Variants in ERG observed in about 807,000 individuals in gnomAD.
The protein encoded by ERG is ETS transcription factor ERG, also known as transcriptional regulator ERG.
ERG carries 9 observed loss-of-function variants against 55.3 expected under a neutral mutation model. That is an observed-to-expected ratio of 0.16 (90% CI 0.10 to 0.28). ERG has a LOEUF of 0.28. Ranked by LOEUF, ERG falls within the 10% of genes least tolerant of loss-of-function variation. ERG has a pLI of 1.00. For synonymous variants in ERG, 223 were observed against 237.3 expected, an observed-to-expected ratio of 0.94 and a Z score of 0.55; for missense variants, 434 against 631.6, an observed-to-expected ratio of 0.69 and a Z score of 3.35.
chr21:38,620,823 C>G (rs2060285829), intron 1 of ERG, among the ~76,000 whole-genome samples: 1 of 152,132 alleles, frequency 6.6e-6, no homozygotes, highest in Non-Finnish European at 1.5e-5. Flanking sequence ...TAAATTTAGT[C>G]CTAAAACAAG....
chr21:38,402,427 G>A (rs1186879970), intron 5 of ERG, 130 bp downstream of exon 5: 10 of 676,858 alleles, frequency 1.5e-5, no homozygotes, highest in East Asian at 5.9e-5. Context: ...CTAAGTATCC[G>A]AAAGTATTCT....
chr21:38,652,224 CTCCCGCCCACTGCTATCTCTACCAT>C (rs1412064867), intron 1 of ERG, among the ~76,000 whole-genome samples: 1 of 152,178 alleles, frequency 6.6e-6, no homozygotes, highest in Non-Finnish European at 1.5e-5. Context: ...CTCCTCCACC[CTCCCGCCCACTGCTATCTCTACCAT>C]TCCCGCCAAT....
chr21:38,576,257 C>T (rs1278165965), intron 1 of ERG, among the ~76,000 whole-genome samples: 1 of 152,202 alleles, frequency 6.6e-6, no homozygotes, highest in Non-Finnish European at 1.5e-5. Flanking sequence ...CTAAGGGCTC[C>T]ACACACATTT....
chr21:38,537,132 T>C (rs760754646), intron 2 of ERG, among the ~76,000 whole-genome samples: 1 of 152,124 alleles, frequency 6.6e-6, no homozygotes, highest in Non-Finnish European at 1.5e-5. Context: ...TCTTACCTTA[T>C]ACTATATACA....
chr21:38,524,392 G>A (rs2059615847), intron 2 of ERG, among the ~76,000 whole-genome samples: 1 of 152,168 alleles, frequency 6.6e-6, no homozygotes, highest in South Asian at 2.1e-4. Flanking sequence ...GGCTCACTGT[G>A]GAAAAAGTCA....
chr21:38,540,354 A>G (rs1379611443), intron 2 of ERG, among the ~76,000 whole-genome samples: 1 of 152,210 alleles, frequency 6.6e-6, no homozygotes, highest in Non-Finnish European at 1.5e-5. Flanking sequence ...TCACCCCAAA[A>G]GGAAACCACG....
At chr21:38,457,465 T>C (rs1277171005) in intron 1 of ERG, among the ~76,000 whole-genome samples, 3 of 151,966 alleles carry the variant, frequency 2.0e-5, no homozygotes, top group Non-Finnish European at 4.4e-5. Flanking sequence ...ACAAATACTC[T>C]TTAAAAGTGT....
At chr21:38,571,987 A>T (rs562111979) in intron 2 of ERG, among the ~76,000 whole-genome samples, 1 of 152,320 alleles carries the variant, frequency 6.6e-6, no homozygotes, top group Admixed American at 6.5e-5. Flanking sequence ...ACATTTTAGT[A>T]GCAATGAACC....
At chr21:38,468,576 T>C (rs2146614510) in intron 1 of ERG, among the ~76,000 whole-genome samples, 1 of 152,200 alleles carries the variant, frequency 6.6e-6, no homozygotes, top group Admixed American at 6.5e-5. Flanking sequence ...AGGAAAGAAT[T>C]GAACATTCTA....
chr21:38,400,449 ACTGT>A (rs1057508065), intron 6 of ERG, 121 bp downstream of exon 6: 2 of 806,744 alleles, frequency 2.5e-6, no homozygotes, highest in Non-Finnish European at 4.5e-6. Flanking sequence ...GCAGAATAAG[ACTGT>A]CTGGGACTGG....
At chr21:38,450,734 T>C (rs1298732086) in intron 1 of ERG, 1 of 346,154 alleles carries the variant, frequency 2.9e-6, no homozygotes, top group Non-Finnish European at 5.6e-6. Context: ...CTTGTCACAT[T>C]TTATCAGCTC....
At chr21:38,615,916 C>T (rs1226301537) in intron 1 of ERG, among the ~76,000 whole-genome samples, 2 of 152,040 alleles carry the variant, frequency 1.3e-5, no homozygotes, top group Middle Eastern at 3.2e-3. Flanking sequence ...CTCTCTGGTT[C>T]AGGCACTGTA....
At chr21:38,479,734 C>T (rs966352339) in intron 1 of ERG, among the ~76,000 whole-genome samples, 1 of 150,520 alleles carries the variant, frequency 6.6e-6, no homozygotes, top group East Asian at 2.0e-4. Flanking sequence ...AAATGCAATA[C>T]CTTTTCCATC....
At chr21:38,636,462 T>C (rs959678313) in intron 1 of ERG, among the ~76,000 whole-genome samples, 1 of 152,176 alleles carries the variant, frequency 6.6e-6, no homozygotes, top group Non-Finnish European at 1.5e-5. Flanking sequence ...TGGGCTTTTA[T>C]GCAAAATTTT....
intron 1 of ERG, among the ~76,000 whole-genome samples, chr21:38,479,272 G>T (rs986894758): frequency 1.3e-5 from 2 of 152,182 alleles, no homozygotes; most frequent in African/African-American, 4.8e-5. Flanking sequence ...GACCTGGTCT[G>T]TTGGGAGATA....
intron 9 of ERG, among the ~76,000 whole-genome samples, chr21:38,389,399 T>A (rs73437673): frequency 0.021 from 3,130 of 152,156 alleles, 98 homozygotes; most frequent in African/African-American, 0.07. Flanking sequence ...ATGGGAGCTG[T>A]TTGATTGTTA....
At chr21:38,584,638 TG>T (rs2060051228) in intron 1 of ERG, among the ~76,000 whole-genome samples, 1 of 152,168 alleles carries the variant, frequency 6.6e-6, no homozygotes, top group Admixed American at 6.5e-5. Flanking sequence ...TGCTGGGCAA[TG>T]GGGCATCTTA....
In ERG at chr21:38,626,113, G is replaced by A. The variant is rs186324017; in HGVS notation, c.-150+35545C>T. On this transcript the variant is annotated intron_variant, in intron 1 of 10. Transcript: ENST00000398910. The stretch of plus-strand genomic sequence containing the variant: ...ATTTTTGTATTTTTAGTAGAGACAG[G>A]GTTTCACTATGTTGGCCAGGCTGGT... 2.7e-3 allele frequency among the ~76,000 whole-genome samples: 417 copies of A among 151,932 alleles called. 3 individuals carry two copies. The highest frequency in any genetic ancestry group is 0.017 in the Middle Eastern group (5 of 294).
intron 2 of ERG, among the ~76,000 whole-genome samples, chr21:38,563,407 T>C (rs939827083): frequency 4.6e-5 from 7 of 152,244 alleles, no homozygotes; most frequent in African/African-American, 1.7e-4. Flanking sequence ...GCAGGAATTA[T>C]ATGAGAACAC....
Sources: gnomAD v4.1 joint callset for allele counts (sites outside exome capture counted in the v4.1 genomes callset) on GRCh38, gnomAD v4.1.1 for gene constraint, MANE v1.5 for transcripts, NCBI Gene and HGNC (gene_info 2026-07-23, HGNC 2026-07-21) for gene names.